PARN: variants seen among roughly 807,000 people sequenced by gnomAD.
PARN encodes the protein poly(A)-specific ribonuclease.
PARN carries 71 observed loss-of-function variants against 102.8 expected under a neutral mutation model. The ratio of observed to expected loss-of-function variants is 0.69; its 90% CI spans 0.57 to 0.84. PARN has a LOEUF of 0.84. PARN is among the 40% of genes least tolerant of loss of function. The probability of loss-of-function intolerance (pLI) is 0.00; values close to 1 mark genes in which losing one functional copy is unlikely to be tolerated. For synonymous variants in PARN, 261 were observed against 252.9 expected, an observed-to-expected ratio of 1.03 and a Z score of -0.30; for missense variants, 782 against 760.9, an observed-to-expected ratio of 1.03 and a Z score of -0.33.
intron 6 of PARN, among the ~76,000 whole-genome samples, chr16:14,616,030 T>G (rs775119291): frequency 6.6e-6 from 1 of 152,214 alleles, no homozygotes; most frequent in African/African-American, 2.4e-5. Context: ...TTATTTTTGT[T>G]GGGATAAACC....
intron 22 of PARN, among the ~76,000 whole-genome samples, chr16:14,458,423 A>C (rs1229157033): frequency 6.6e-6 from 1 of 152,230 alleles, no homozygotes; most frequent in Non-Finnish European, 1.5e-5. Flanking sequence ...CTACTTTTTA[A>C]AAATTTCCAG....
chr16:14,452,858 C>T (rs1010369495), intron 22 of PARN, among the ~76,000 whole-genome samples: 1 of 152,164 alleles, frequency 6.6e-6, no homozygotes, highest in Non-Finnish European at 1.5e-5. Flanking sequence ...AACTTAACTA[C>T]GGCAGTTTTA....
chr16:14,450,412 A>G (rs1256580922), intron 22 of PARN, among the ~76,000 whole-genome samples: 1 of 152,178 alleles, frequency 6.6e-6, no homozygotes, highest in Non-Finnish European at 1.5e-5. Flanking sequence ...ATATTAGAAT[A>G]AGGGAAGATA....
chr16:14,565,230 T>C (rs555342874), intron 18 of PARN, among the ~76,000 whole-genome samples: 2 of 152,272 alleles, frequency 1.3e-5, no homozygotes, highest in East Asian at 1.9e-4. Flanking sequence ...CTGTGTAAAA[T>C]AAGGGTAACC....
At chr16:14,532,191 T>G (rs1385961834) in intron 21 of PARN, among the ~76,000 whole-genome samples, 1 of 151,208 alleles carries the variant, frequency 6.6e-6, no homozygotes, top group African/African-American at 2.4e-5. Flanking sequence ...TTTTTTTTTT[T>G]TTTAATTGTT....
chr16:14,490,135 T>G (rs1254102441), intron 21 of PARN, among the ~76,000 whole-genome samples: 4 of 152,220 alleles, frequency 2.6e-5, no homozygotes, highest in Admixed American at 2.6e-4. Context: ...TCCAGCCAAG[T>G]TGACAAAGTG....
chr16:14,595,087 A>C (rs1476838776), intron 12 of PARN, among the ~76,000 whole-genome samples: 1 of 152,236 alleles, frequency 6.6e-6, no homozygotes, highest in Admixed American at 6.5e-5. Flanking sequence ...GCTAAAAACA[A>C]AACGAATTGC....
At chr16:14,624,109 G>A (rs1005661516) in intron 5 of PARN, among the ~76,000 whole-genome samples, 1 of 152,124 alleles carries the variant, frequency 6.6e-6, no homozygotes, top group African/African-American at 2.4e-5. Context: ...GCATATGGGA[G>A]CATCTCACTG....
intron 23 of PARN, among the ~76,000 whole-genome samples, chr16:14,442,928 G>GT (rs1180232632): frequency 6.6e-6 from 1 of 152,192 alleles, no homozygotes; most frequent in Non-Finnish European, 1.5e-5. Context: ...GTCTAGATTG[G>GT]TAATTGTTTC....
At chr16:14,514,181 T>A (rs1189870441) in intron 21 of PARN, among the ~76,000 whole-genome samples, 1 of 152,170 alleles carries the variant, frequency 6.6e-6, no homozygotes, top group African/African-American at 2.4e-5. Context: ...TAATGTAATG[T>A]CATTAATTAA....
At chr16:14,589,656 A>G (rs192466288) in intron 13 of PARN, among the ~76,000 whole-genome samples, 6 of 152,114 alleles carry the variant, frequency 3.9e-5, no homozygotes, top group African/African-American at 7.2e-5. Context: ...ACCTAAGGTC[A>G]GGAATTCGAG....
intron 6 of PARN, among the ~76,000 whole-genome samples, chr16:14,617,117 G>A (rs1350400803): frequency 6.6e-6 from 1 of 151,292 alleles, no homozygotes; most frequent in East Asian, 1.9e-4. Context: ...AGGCGTGGTG[G>A]CTCACACTTG....
intron 5 of PARN, among the ~76,000 whole-genome samples, chr16:14,624,974 C>T (rs535648590): frequency 1.3e-5 from 2 of 152,000 alleles, no homozygotes; most frequent in Admixed American, 6.6e-5. Flanking sequence ...CACTTAAACC[C>T]GGGGCTTTAG....
intron 21 of PARN, among the ~76,000 whole-genome samples, chr16:14,537,312 G>T (rs943689658): frequency 6.6e-6 from 1 of 152,184 alleles, no homozygotes; most frequent in Non-Finnish European, 1.5e-5. Context: ...ATGATGTAGA[G>T]AAATGGGAAC....
intron 21 of PARN, among the ~76,000 whole-genome samples, chr16:14,519,028 G>T (rs1965602728): frequency 6.6e-6 from 1 of 151,864 alleles, no homozygotes. Flanking sequence ...CACTGGTTTT[G>T]TTATTCTGAG....
intron 21 of PARN, among the ~76,000 whole-genome samples, chr16:14,548,965 G>C (rs1400764609): frequency 6.6e-6 from 1 of 150,896 alleles, no homozygotes; most frequent in Non-Finnish European, 1.5e-5. Context: ...AAAAGGAAGA[G>C]GGGAGGGAAG....
At chr16:14,531,965 A>G (rs1966359660) in intron 21 of PARN, among the ~76,000 whole-genome samples, 2 of 151,726 alleles carry the variant, frequency 1.3e-5, no homozygotes, top group East Asian at 3.9e-4. Flanking sequence ...TGGAAGGCTA[A>G]GGCAGGAGGA....
chr16:14,579,803 C>A (rs1969391744), intron 18 of PARN, among the ~76,000 whole-genome samples: 2 of 152,054 alleles, frequency 1.3e-5, no homozygotes, highest in Non-Finnish European at 2.9e-5. Context: ...TGGTGAAACA[C>A]CATCTCTACT....
intron 22 of PARN, among the ~76,000 whole-genome samples, chr16:14,479,460 A>C (rs1324050617): frequency 6.6e-6 from 1 of 151,996 alleles, no homozygotes; most frequent in African/African-American, 2.4e-5. Context: ...ACTAACATAA[A>C]ATATACAAGA....
Sources: allele counts gnomAD v4.1 joint callset (sites outside exome capture counted in the v4.1 genomes callset), GRCh38; gene constraint gnomAD v4.1.1; transcripts MANE v1.5; gene names NCBI Gene and HGNC (gene_info 2026-07-23, HGNC 2026-07-21).